KCNK2: variants seen among roughly 807,000 people sequenced by gnomAD.
The protein encoded by KCNK2 is potassium two pore domain channel subfamily K member 2.
Under a neutral mutation model 40.5 loss-of-function variants are expected in KCNK2, and 21 were observed. The ratio of observed to expected loss-of-function variants is 0.52; its 90% CI spans 0.37 to 0.75. The LOEUF is 0.75. KCNK2 is among the 30% of genes least tolerant of loss of function. The pLI, the probability that KCNK2 is intolerant of heterozygous loss-of-function variation, is 0.00. For missense variants in KCNK2, 399 were observed against 531.6 expected (o/e 0.75, Z 2.45); for synonymous variants, 191 against 202.2 (o/e 0.94, Z 0.47).
chr1:215,154,822 A>G (rs1297401304), intron 3 of KCNK2, among the ~76,000 whole-genome samples: 2 of 152,110 alleles, frequency 1.3e-5, no homozygotes, highest in Non-Finnish European at 2.9e-5. Context: ...TCCCAGCACC[A>G]TCTATTGAAT....
At chr1:215,056,655 T>A in intron 1 of KCNK2, among the ~76,000 whole-genome samples, 1 of 147,018 alleles carries the variant, frequency 6.8e-6, no homozygotes. Flanking sequence ...GGGGTCTCCT[T>A]ATGTTGCCCA....
intron 3 of KCNK2, among the ~76,000 whole-genome samples, chr1:215,155,420 T>G: frequency 6.6e-6 from 1 of 152,308 alleles, no homozygotes; most frequent in South Asian, 2.1e-4. Flanking sequence ...AGATGGATTT[T>G]AGAATAATTT....
intron 2 of KCNK2, among the ~76,000 whole-genome samples, chr1:215,094,734 G>C (rs1254999285): frequency 6.6e-6 from 1 of 151,922 alleles, no homozygotes; most frequent in Non-Finnish European, 1.5e-5. Context: ...TATCTTTGAA[G>C]AATATATGAA....
chr1:215,059,238 C>T (rs1658285439), intron 1 of KCNK2, among the ~76,000 whole-genome samples: 1 of 152,052 alleles, frequency 6.6e-6, no homozygotes, highest in Non-Finnish European at 1.5e-5. Context: ...CCATCTAGTT[C>T]ACAGAATCTT....
At chr1:215,214,349 G>C (rs1672878935) in intron 6 of KCNK2, among the ~76,000 whole-genome samples, 1 of 152,142 alleles carries the variant, frequency 6.6e-6, no homozygotes, top group South Asian at 2.1e-4. Context: ...CACGAGAACA[G>C]TAAGGGTGAA....
chr1:215,203,530 A>C (rs1034345887), intron 6 of KCNK2, among the ~76,000 whole-genome samples: 1 of 151,082 alleles, frequency 6.6e-6, no homozygotes, highest in Non-Finnish European at 1.5e-5. Flanking sequence ...TTTTAAGACT[A>C]TATATATATA....
At chr1:215,201,980 G>A (rs756141882) in intron 6 of KCNK2, among the ~76,000 whole-genome samples, 1 of 151,970 alleles carries the variant, frequency 6.6e-6, no homozygotes, top group Non-Finnish European at 1.5e-5. Context: ...AGGGCAGGGG[G>A]GCAATACTGT....
intron 1 of KCNK2, among the ~76,000 whole-genome samples, chr1:215,072,442 C>T (rs867949775): frequency 3.3e-5 from 5 of 152,192 alleles, no homozygotes; most frequent in South Asian, 2.1e-4. Context: ...TTTTATTTGC[C>T]ATAAACAATG....
At chr1:215,170,982 C>T (rs1341742469) in intron 4 of KCNK2, among the ~76,000 whole-genome samples, 1 of 152,060 alleles carries the variant, frequency 6.6e-6, no homozygotes, top group East Asian at 1.9e-4. Flanking sequence ...AACATGAACT[C>T]ATTTAACTCT....
intron 6 of KCNK2, among the ~76,000 whole-genome samples, chr1:215,211,183 C>T (rs543984670): frequency 2.0e-5 from 3 of 152,188 alleles, no homozygotes; most frequent in African/African-American, 7.2e-5. Context: ...ATCCAGCCCC[C>T]ATTCCTCCAG....
intron 2 of KCNK2, among the ~76,000 whole-genome samples, chr1:215,101,892 A>G (rs1334195305): frequency 6.6e-6 from 1 of 152,062 alleles, no homozygotes; most frequent in African/African-American, 2.4e-5. Flanking sequence ...ACCTAATAGT[A>G]GATAATGACA....
intron 3 of KCNK2, among the ~76,000 whole-genome samples, chr1:215,167,731 G>A (rs141780198): frequency 4.7e-4 from 71 of 152,020 alleles, no homozygotes; most frequent in African/African-American, 1.4e-3. Context: ...GAATACTCTC[G>A]AATTAAGGCA....
intron 1 of KCNK2, among the ~76,000 whole-genome samples, chr1:215,049,468 C>A (rs1459268790): frequency 1.3e-5 from 2 of 152,056 alleles, no homozygotes; most frequent in Non-Finnish European, 2.9e-5. Context: ...TTAACAGGTT[C>A]TTTCACTGAA....
rs138345574 is a variant in KCNK2 at position 215,010,898 on chromosome 1, ATG to A, written c.34+4951_34+4952del. The stretch of plus-strand genomic sequence containing the variant: ...TGTGTGTGTGTGTGTGTGTGTGTGT[ATG>A]TGTGTGTATATAAACACATATATTT... On this transcript the variant is annotated intron_variant, in intron 1 of 6. Transcript: ENST00000391895. 4.6e-3 allele frequency among the ~76,000 whole-genome samples: 557 copies of A among 121,698 alleles called. 3 individuals are homozygous for A. Among genetic ancestry groups the A allele is most frequent in the South Asian group, 0.021 (91 of 4,258 alleles). The allele number at this position is 121,698 out of a possible 152,430, so 79.8% of individuals were successfully genotyped here. A position where few individuals can be genotyped will look rare whatever the true frequency, so the allele number is the denominator to read the frequency against.
intron 1 of KCNK2, among the ~76,000 whole-genome samples, chr1:215,047,582 C>A (rs1657820479): frequency 6.6e-6 from 1 of 152,026 alleles, no homozygotes; most frequent in Non-Finnish European, 1.5e-5. Flanking sequence ...GAATATACAT[C>A]AATCCTATTA....
chr1:215,044,138 T>C (rs1657662683), intron 1 of KCNK2, among the ~76,000 whole-genome samples: 1 of 152,174 alleles, frequency 6.6e-6, no homozygotes, highest in Admixed American at 6.5e-5. Flanking sequence ...TTAATGAATA[T>C]GGAAAAGAAC....
intron 1 of KCNK2, among the ~76,000 whole-genome samples, chr1:215,070,360 G>A (rs1267505152): frequency 6.7e-6 from 1 of 148,590 alleles, no homozygotes. Flanking sequence ...AGCTTGCAGT[G>A]AGCCGAGATT....
intron 4 of KCNK2, among the ~76,000 whole-genome samples, chr1:215,169,568 C>T (rs1194150805): frequency 1.3e-5 from 2 of 151,604 alleles, no homozygotes; most frequent in Non-Finnish European, 2.9e-5. Context: ...GAGAAAAACT[C>T]AAAAGTATAA....
chr1:215,045,144 A>G (rs1437021548), intron 1 of KCNK2, among the ~76,000 whole-genome samples: 1 of 152,034 alleles, frequency 6.6e-6, no homozygotes, highest in Non-Finnish European at 1.5e-5. Flanking sequence ...AGATCGTGCC[A>G]CTGAACTCCA....
Sources: gnomAD v4.1 joint callset for allele counts (sites outside exome capture counted in the v4.1 genomes callset) on GRCh38, gnomAD v4.1.1 for gene constraint, MANE v1.5 for transcripts, NCBI Gene and HGNC (gene_info 2026-07-23, HGNC 2026-07-21) for gene names.